ZC3H6: variants seen among roughly 807,000 people sequenced by gnomAD.
The protein encoded by ZC3H6 is zinc finger CCCH-type containing 6, also known as zinc finger CCCH domain-containing protein 6.
ZC3H6 carries 40 observed loss-of-function variants against 107.7 expected under a neutral mutation model. That is an observed-to-expected ratio of 0.37 (90% CI 0.29 to 0.48). The LOEUF (loss-of-function observed/expected upper bound fraction) is 0.48. Ranked by LOEUF, ZC3H6 falls within the 20% of genes least tolerant of loss-of-function variation. The pLI, the probability that ZC3H6 is intolerant of heterozygous loss-of-function variation, is 0.98. For synonymous variants in ZC3H6, 493 were observed against 487.9 expected (o/e 1.01, Z -0.14); for missense variants, 1,267 against 1,410.4 (o/e 0.90, Z 1.63).
chr2:112,290,170 G>T (rs10190743), intron 1 of ZC3H6, among the ~76,000 whole-genome samples: 6 of 151,896 alleles, frequency 4.0e-5, no homozygotes, highest in Non-Finnish European at 7.4e-5. Flanking sequence ...CACCCAACTG[G>T]TCTGCCCTGG....
At chr2:112,279,996 C>T (rs1573943059) in intron 1 of ZC3H6, among the ~76,000 whole-genome samples, 1 of 152,148 alleles carries the variant, frequency 6.6e-6, no homozygotes. Context: ...AGAGAGAGCC[C>T]TTCATTTTGA....
At chr2:112,299,148 G>A (rs1676307126) in intron 1 of ZC3H6, among the ~76,000 whole-genome samples, 1 of 151,896 alleles carries the variant, frequency 6.6e-6, no homozygotes, top group South Asian at 2.1e-4. Context: ...GTGGTGGCAG[G>A]CGCCTGTAGT....
intron 1 of ZC3H6, among the ~76,000 whole-genome samples, chr2:112,297,642 C>T (rs1676266155): frequency 6.6e-6 from 1 of 152,106 alleles, no homozygotes; most frequent in Non-Finnish European, 1.5e-5. Flanking sequence ...TTCTAGGATT[C>T]AGCCTCCATA....
intron 7 of ZC3H6, among the ~76,000 whole-genome samples, chr2:112,319,318 A>G (rs1237619354): frequency 6.6e-6 from 1 of 152,044 alleles, no homozygotes; most frequent in Non-Finnish European, 1.5e-5. Context: ...TGGGTAACAT[A>G]GTGAGACACC....
intron 1 of ZC3H6, among the ~76,000 whole-genome samples, chr2:112,279,749 C>T (rs1487745054): frequency 6.6e-6 from 1 of 152,162 alleles, no homozygotes; most frequent in African/African-American, 2.4e-5. Flanking sequence ...ATTTGATTCT[C>T]ACATTAATCC....
chr2:112,295,257 T>G (rs1427712219), intron 1 of ZC3H6, among the ~76,000 whole-genome samples: 1 of 152,216 alleles, frequency 6.6e-6, no homozygotes, highest in Non-Finnish European at 1.5e-5. Context: ...CAGTCTATTG[T>G]GTTTATATTA....
At position 112,331,429 on chromosome 2, in the gene ZC3H6, C is replaced by A. The variant is rs775633535; in HGVS notation, c.2511C>A (p.Phe837Leu). The stretch of plus-strand genomic sequence containing the variant: ...AAAGAGAACTGAGAGAAAAAGCTTT[C>A]TTAATACCTTTGGATGCCTCACCTG... ...DTERELREKA[F>L]LIPLDASPGI... Residue 837 changes from phenylalanine (F) to leucine (L), a missense_variant, in exon 12 of 12, where the codon TTC (phenylalanine) becomes TTA (leucine). This residue lies in a region of ZC3H6 where 925 missense variants were observed against 1,025.7 expected (regional missense o/e 0.90). Transcript: ENST00000409871. 1.2e-6 allele frequency: 2 copies of A among 1,613,888 alleles called. No homozygotes were observed. Among genetic ancestry groups the A allele is most frequent in the Admixed American group, 1.7e-5 (1 of 60,010 alleles).
At chr2:112,285,184 T>C (rs1419732748) in intron 1 of ZC3H6, among the ~76,000 whole-genome samples, 1 of 152,298 alleles carries the variant, frequency 6.6e-6, no homozygotes, top group East Asian at 1.9e-4. Flanking sequence ...GTTACTTTCT[T>C]TCGTACATAA....
chr2:112,324,946 C>T lies in ZC3H6; in HGVS notation c.1853-18C>T. ...TGTGCTCACTCAATGACTGTCTCTC[C>T]CCATGTTATACATGTAGATGGGATG... On this transcript the variant is annotated intron_variant, in intron 10 of 11. Coordinates refer to ENST00000409871, the MANE Select transcript of ZC3H6 (RefSeq NM_198581.3). The T allele has an allele frequency of 6.3e-7, 1 of 1,576,352 alleles. No individual in the cohort carries two copies. The highest frequency in any genetic ancestry group is 8.6e-7 in the Non-Finnish European group (1 of 1,159,950).
rs1677108953 is a variant in ZC3H6 at position 112,334,697 on chromosome 2, T to C, written c.*2209T>C. On this transcript the variant is annotated 3_prime_UTR_variant, in exon 12 of 12. Transcript: ENST00000409871. ...AAAATAACTTATTTATTATGCAGCA[T>C]TTTTATTGTGATAACGTTAGTTTAT... 2 of 152,626 alleles carry C rather than the reference T, an allele frequency of 1.3e-5. No individual in the cohort carries two copies. The highest frequency in any genetic ancestry group is 2.9e-5 in the Non-Finnish European group (2 of 68,000). The allele number at this position is 152,626 out of a possible 1,614,324, so 9.5% of individuals were successfully genotyped here.
In ZC3H6 at chr2:112,336,859, G is replaced by T. The variant is rs1677143827; in HGVS notation, c.*4371G>T. The T allele has an allele frequency of 6.6e-6, 1 of 152,138 alleles. No individual in the cohort carries two copies. Among genetic ancestry groups the T allele is most frequent in the African/African-American group, 2.4e-5 (1 of 41,408 alleles). 9.4% of individuals were successfully genotyped at this position (152,138 alleles called of 1,614,324 possible). On this transcript the variant is annotated 3_prime_UTR_variant, in exon 12 of 12. Coordinates refer to ENST00000409871, the MANE Select transcript of ZC3H6 (RefSeq NM_198581.3). ...TAAAATAATATTTTATGCTTTTGGA[G>T]ACAGGACCCACATGTATCTCCTTAT... is the stretch of plus-strand genomic sequence containing the variant.
Position 112,310,138 on chromosome 2 carries a change from A to G in ZC3H6, c.590A>G (p.Gln197Arg). Residue 197 changes from glutamine to arginine, a missense_variant, in exon 4 of 12, where the codon CAG becomes CGG. Around this residue, in one of 3 missense-constraint regions of ZC3H6, gnomAD observed 337 missense variants for 361.2 expected, o/e 0.93. Coordinates refer to ENST00000409871, the MANE Select transcript of ZC3H6 (RefSeq NM_198581.3). ...SSFSKESGKKQRMKGVQQGIE... is the reference protein window; with the variant it reads ...SSFSKESGKKRRMKGVQQGIE... Reference sequence around the variant, plus strand: ...TTTTCTAAAGAATCAGGAAAAAAACAGAGAATGAAAGGAGTTCAGCAAGGT... The same window carrying G: ...TTTTCTAAAGAATCAGGAAAAAAACGGAGAATGAAAGGAGTTCAGCAAGGT... The G allele has an allele frequency of 6.2e-7, 1 of 1,613,140 alleles. No homozygotes were observed. The highest frequency in any genetic ancestry group is 8.5e-7 in the Non-Finnish European group (1 of 1,179,508).
chr2:112,331,871 G>T lies in ZC3H6; in HGVS notation c.2953G>T (p.Val985Phe), dbSNP rs1362976948. ...RLPNTESHQV[V>F]MKDSHASKGA... ...GCCCAATACAGAGTCTCATCAAGTG[G>T]TTATGAAGGATTCACATGCATCAAA... Residue 985 changes from valine (V) to phenylalanine (F), a missense_variant, in exon 12 of 12, where the codon GTT (valine) becomes TTT (phenylalanine). Coordinates refer to ENST00000409871, the MANE Select transcript of ZC3H6 (RefSeq NM_198581.3). 1 of 1,613,932 alleles carries T rather than the reference G, an allele frequency of 6.2e-7. No homozygotes were observed. The highest frequency in any genetic ancestry group is 1.7e-5 in the Admixed American group (1 of 60,028).
At chr2:112,278,070 T>G (rs1379793343) in intron 1 of ZC3H6, among the ~76,000 whole-genome samples, 1 of 152,184 alleles carries the variant, frequency 6.6e-6, no homozygotes, top group East Asian at 1.9e-4. Context: ...TCAGAATCAC[T>G]TTGGGGAATA....
At chr2:112,285,922 C>G (rs2104694410) in intron 1 of ZC3H6, 1 of 173,388 alleles carries the variant, frequency 5.8e-6, no homozygotes, top group East Asian at 1.8e-4. Context: ...GATTGCCCCA[C>G]TGCACTCCAG....
chr2:112,291,239 ACT>A (rs1676108040), intron 1 of ZC3H6, among the ~76,000 whole-genome samples: 3 of 150,968 alleles, frequency 2.0e-5, no homozygotes, highest in African/African-American at 7.2e-5. Context: ...TCAATAAAAT[ACT>A]TTTTTTTTTT....
intron 1 of ZC3H6, among the ~76,000 whole-genome samples, chr2:112,298,985 A>C (rs1676303503): frequency 6.6e-6 from 1 of 152,162 alleles, no homozygotes; most frequent in Non-Finnish European, 1.5e-5. Flanking sequence ...TAAAAAAAGA[A>C]TAATTTGGCC....
At chr2:112,298,000 A>G (rs917900820) in intron 1 of ZC3H6, among the ~76,000 whole-genome samples, 2 of 152,144 alleles carry the variant, frequency 1.3e-5, no homozygotes, top group African/African-American at 4.8e-5. Context: ...CTGTAATCCC[A>G]GCTACTCGGA....
In ZC3H6 at chr2:112,331,635, T is replaced by G; in HGVS notation, c.2717T>G (p.Ile906Arg). 1 of 1,613,996 alleles carries G rather than the reference T, an allele frequency of 6.2e-7. No individual in the cohort carries two copies. Among genetic ancestry groups the G allele is most frequent in the Non-Finnish European group, 8.5e-7 (1 of 1,179,896 alleles). Residue 906 changes from isoleucine (I) to arginine (R), a missense_variant, in exon 12 of 12, where the codon ATA becomes AGA. Transcript: ENST00000409871. ...ATCAATTTACCTCTGCCCCCACTTA[T>G]AGCTGACCAGAGGCTAAATAGATTA... ...SSINLPLPPL[I>R]ADQRLNRLWN...
Sources: allele counts gnomAD v4.1 joint callset (sites outside exome capture counted in the v4.1 genomes callset), GRCh38; gene constraint gnomAD v4.1.1; regional missense constraint gnomAD v4.1.1; transcripts MANE v1.5; gene names NCBI Gene and HGNC (gene_info 2026-07-23, HGNC 2026-07-21).